SAMTOR: variants seen among roughly 807,000 people sequenced by gnomAD.
SAMTOR encodes the protein S-adenosylmethionine sensor upstream of mTORC1.
the SAMTOR span, among the ~76,000 whole-genome samples, chr7:112,902,710 G>A: frequency 6.6e-5 from 10 of 152,194 alleles, no homozygotes; most frequent in Non-Finnish European, 1.2e-4. Context: ...GACAGTGGGG[G>A]AGGCTATGCA....
chr7:112,937,122 T>C, the SAMTOR span, among the ~76,000 whole-genome samples: 1 of 152,176 alleles, frequency 6.6e-6, no homozygotes, highest in Non-Finnish European at 1.5e-5. Flanking sequence ...TTCCTAATAA[T>C]AGGGATCTTA....
At chr7:112,864,105 G>A in the SAMTOR span, among the ~76,000 whole-genome samples, 1 of 152,154 alleles carries the variant, frequency 6.6e-6, no homozygotes, top group Non-Finnish European at 1.5e-5. Context: ...CAGGGACAAT[G>A]GCCATGGTGG....
the SAMTOR span, among the ~76,000 whole-genome samples, chr7:112,868,865 T>C: frequency 3.9e-5 from 6 of 152,292 alleles, no homozygotes; most frequent in East Asian, 5.8e-4. Context: ...GTATTTCTCC[T>C]ACGTGGTTTG....
At chr7:112,835,876 A>G in the SAMTOR span, among the ~76,000 whole-genome samples, 1 of 152,158 alleles carries the variant, frequency 6.6e-6, no homozygotes, top group Non-Finnish European at 1.5e-5. Context: ...TTCTTTATCC[A>G]GTCTACTGCT....
At chr7:112,937,307 AG>A in the SAMTOR span, among the ~76,000 whole-genome samples, 1 of 152,158 alleles carries the variant, frequency 6.6e-6, no homozygotes, top group East Asian at 1.9e-4. Context: ...TTGTGATAAA[AG>A]GGGTACAGTT....
At chr7:112,889,569 A>G in the SAMTOR span, among the ~76,000 whole-genome samples, 1 of 152,208 alleles carries the variant, frequency 6.6e-6, no homozygotes, top group African/African-American at 2.4e-5. Flanking sequence ...AATGAACAAA[A>G]TCTAAACCAA....
At chr7:112,822,306 A>G in the SAMTOR span, 2 of 1,613,496 alleles carry the variant, frequency 1.2e-6, no homozygotes, top group Non-Finnish European at 1.7e-6. Flanking sequence ...AAAAGCATCT[A>G]TAGCATCCTG....
chr7:112,926,880 A>T, the SAMTOR span, among the ~76,000 whole-genome samples: 1 of 152,116 alleles, frequency 6.6e-6, no homozygotes, highest in Non-Finnish European at 1.5e-5. Flanking sequence ...TTATAAAATA[A>T]AAATGTTTCA....
At chr7:112,822,853 T>A in the SAMTOR span, among the ~76,000 whole-genome samples, 1 of 152,156 alleles carries the variant, frequency 6.6e-6, no homozygotes, top group African/African-American at 2.4e-5. Context: ...AAAACTTTAG[T>A]TCTTTGAAAC....
the SAMTOR span, among the ~76,000 whole-genome samples, chr7:112,897,690 C>T: frequency 5.9e-5 from 9 of 152,154 alleles, no homozygotes; most frequent in African/African-American, 1.9e-4. Flanking sequence ...AATCTGAAAC[C>T]GAGTTGGCTT....
the SAMTOR span, among the ~76,000 whole-genome samples, chr7:112,903,377 T>C: frequency 6.6e-6 from 1 of 151,630 alleles, no homozygotes; most frequent in African/African-American, 2.4e-5. Context: ...TGAATTTTTC[T>C]AGATTAAAGA....
the SAMTOR span, among the ~76,000 whole-genome samples, chr7:112,890,988 C>A: frequency 1.3e-5 from 2 of 151,828 alleles, no homozygotes; most frequent in East Asian, 3.9e-4. Flanking sequence ...ATGTGCCCAG[C>A]CATAAAAATA....
At chr7:112,913,539 G>A in the SAMTOR span, among the ~76,000 whole-genome samples, 2 of 152,152 alleles carry the variant, frequency 1.3e-5, no homozygotes, top group Admixed American at 1.3e-4. Context: ...AAGAATTCTT[G>A]ACATCTTGCA....
At chr7:112,895,812 T>C in the SAMTOR span, 1 of 1,069,606 alleles carries the variant, frequency 9.3e-7, no homozygotes, top group African/African-American at 1.6e-5. Context: ...AAATTGGCTT[T>C]TATTAATCAA....
the SAMTOR span, among the ~76,000 whole-genome samples, chr7:112,871,547 T>TA: frequency 1.3e-5 from 2 of 152,180 alleles, no homozygotes; most frequent in African/African-American, 4.8e-5. Context: ...TTTGTAGTGC[T>TA]AAATGCCACA....
At chr7:112,880,666 G>A in the SAMTOR span, among the ~76,000 whole-genome samples, 2 of 152,074 alleles carry the variant, frequency 1.3e-5, no homozygotes, top group Admixed American at 6.5e-5. Context: ...TCTGGTATTT[G>A]TAATTATAAA....
chr7:112,893,620 G>A, the SAMTOR span, among the ~76,000 whole-genome samples: 7 of 152,288 alleles, frequency 4.6e-5, 1 homozygote, highest in South Asian at 1.4e-3. Flanking sequence ...CGTGTTCACT[G>A]AATAGCACTT....
At chr7:112,891,825 T>C in the SAMTOR span, among the ~76,000 whole-genome samples, 3 of 152,232 alleles carry the variant, frequency 2.0e-5, no homozygotes, top group African/African-American at 7.2e-5. Context: ...TTTTTACTGG[T>C]GGAAGCTTTG....
the SAMTOR span, chr7:112,895,476 C>T: frequency 4.7e-6 from 4 of 851,892 alleles, no homozygotes; most frequent in Non-Finnish European, 5.1e-6. Context: ...ACTGGAGGAG[C>T]AAGTAAACTG....
Sources: gnomAD v4.1 joint callset for allele counts (sites outside exome capture counted in the v4.1 genomes callset) on GRCh38, gnomAD v4.1.1 for gene constraint, MANE v1.5 for transcripts, NCBI Gene and HGNC (gene_info 2026-07-23, HGNC 2026-07-21) for gene names.